Variants in DNAH14 observed in about 807,000 individuals in gnomAD.
DNAH14 encodes the protein axonemal beta dynein heavy chain 14.
A neutral mutation model predicts 520.9 loss-of-function variants in DNAH14; 478 were observed. That is an observed-to-expected ratio of 0.92 (90% confidence interval 0.85 to 0.99). The LOEUF (loss-of-function observed/expected upper bound fraction) is 0.99. Ranked by LOEUF, DNAH14 falls within the 50% of genes least tolerant of loss-of-function variation. The pLI, the probability that DNAH14 is intolerant of heterozygous loss-of-function variation, is 0.00. For synonymous variants in DNAH14, 1,581 were observed against 1,757.2 expected (o/e 0.90, Z 2.51); for missense variants, 4,831 against 5,234.5 (o/e 0.92, Z 2.38).
At chr1:225,045,867 G>A (rs1177924185) in intron 15 of DNAH14, among the ~76,000 whole-genome samples, 1 of 151,990 alleles carries the variant, frequency 6.6e-6, no homozygotes. Context: ...AGATTATACA[G>A]ATATCTTGTT....
chr1:225,384,154 C>T (rs1355965431), intron 81 of DNAH14, among the ~76,000 whole-genome samples: 2 of 152,144 alleles, frequency 1.3e-5, no homozygotes, highest in Non-Finnish European at 2.9e-5. Context: ...GCTTTACTTC[C>T]AACTATGTTG....
chr1:225,049,244 G>A (rs1296860213), intron 15 of DNAH14, among the ~76,000 whole-genome samples: 2 of 151,554 alleles, frequency 1.3e-5, no homozygotes, highest in African/African-American at 4.8e-5. Flanking sequence ...TGTATTTTTA[G>A]TAGAGACGGG....
At chr1:225,099,877 G>C (rs2075303963) in intron 22 of DNAH14, among the ~76,000 whole-genome samples, 1 of 152,018 alleles carries the variant, frequency 6.6e-6, no homozygotes, top group Non-Finnish European at 1.5e-5. Flanking sequence ...AACACTAGCT[G>C]AGTGAAGAAA....
At chr1:225,081,869 A>C (rs192440770) in intron 19 of DNAH14, among the ~76,000 whole-genome samples, 1 of 152,280 alleles carries the variant, frequency 6.6e-6, no homozygotes, top group Admixed American at 6.5e-5. Context: ...TCTGTGGCAA[A>C]GCTGTCACCT....
chr1:225,262,888 A>AT (rs920225584), intron 46 of DNAH14, among the ~76,000 whole-genome samples: 12 of 152,040 alleles, frequency 7.9e-5, no homozygotes, highest in African/African-American at 2.9e-4. Flanking sequence ...TGACATTGAT[A>AT]TTTTTTATAA....
intron 38 of DNAH14, among the ~76,000 whole-genome samples, chr1:225,198,453 GTGA>G: frequency 6.6e-6 from 1 of 152,168 alleles, no homozygotes; most frequent in Admixed American, 6.6e-5. Context: ...TCCTGACCTT[GTGA>G]TCTGCCCACC....
At chr1:225,320,557 T>A (rs1395142938) in intron 61 of DNAH14, among the ~76,000 whole-genome samples, 3 of 152,216 alleles carry the variant, frequency 2.0e-5, no homozygotes, top group African/African-American at 7.2e-5. Context: ...TATAACCTGA[T>A]CTCCATTGCT....
At chr1:225,212,735 C>T (rs917809745) in intron 41 of DNAH14, among the ~76,000 whole-genome samples, 3 of 152,104 alleles carry the variant, frequency 2.0e-5, no homozygotes, top group Non-Finnish European at 4.4e-5. Context: ...TATCGTTTGC[C>T]CACTTTTTGA....
chr1:225,009,809 G>C (rs374763175), intron 10 of DNAH14, among the ~76,000 whole-genome samples: 43 of 151,864 alleles, frequency 2.8e-4, no homozygotes, highest in African/African-American at 9.9e-4. Context: ...TCTCCTTGAA[G>C]AGGTCCTTCA....
intron 8 of DNAH14, among the ~76,000 whole-genome samples, chr1:224,979,763 A>G (rs1011928937): frequency 5.3e-5 from 8 of 152,148 alleles, no homozygotes; most frequent in African/African-American, 1.7e-4. Context: ...GGTAAGACTA[A>G]AGAGGACTTT....
chr1:225,001,558 G>A (rs931836066), intron 8 of DNAH14, among the ~76,000 whole-genome samples: 7 of 152,040 alleles, frequency 4.6e-5, no homozygotes, highest in Non-Finnish European at 8.8e-5. Flanking sequence ...ATGCATTACA[G>A]CTATAAATTT....
chr1:224,976,388 A>G (rs977435212), intron 8 of DNAH14, among the ~76,000 whole-genome samples: 1 of 152,134 alleles, frequency 6.6e-6, no homozygotes, highest in Non-Finnish European at 1.5e-5. Context: ...AAAACCCTAG[A>G]AGAAAACCTA....
At chr1:225,266,872 T>G (rs2093136954) in intron 49 of DNAH14, 103 bp downstream of exon 49, 1 of 1,157,008 alleles carries the variant, frequency 8.6e-7, no homozygotes, top group Non-Finnish European at 1.2e-6. Context: ...AGTTAGAAAT[T>G]CTGGCCATAT....
chr1:224,977,434 A>C (rs552618813), intron 8 of DNAH14, among the ~76,000 whole-genome samples: 3 of 152,338 alleles, frequency 2.0e-5, no homozygotes, highest in Admixed American at 2.0e-4. Context: ...ACACGTATAC[A>C]TATGTAACTA....
At chr1:225,113,816 A>G (rs2076664886) in intron 23 of DNAH14, among the ~76,000 whole-genome samples, 1 of 152,112 alleles carries the variant, frequency 6.6e-6, no homozygotes, top group African/African-American at 2.4e-5. Context: ...ACTAAAGCCC[A>G]AGGGCTCTTT....
At chr1:225,000,566 C>CT (rs199640733) in intron 8 of DNAH14, among the ~76,000 whole-genome samples, 1,961 of 133,278 alleles carry the variant, frequency 0.015, 16 homozygotes, top group South Asian at 0.031. Flanking sequence ...AAGGTTTGTT[C>CT]TTTTTTTTTT....
At chr1:225,307,099 C>G (rs1049484640) in intron 58 of DNAH14, among the ~76,000 whole-genome samples, 2 of 152,090 alleles carry the variant, frequency 1.3e-5, no homozygotes, top group Admixed American at 1.3e-4. Context: ...TAAGTGTGCT[C>G]CAGTGGGAGC....
At chr1:225,064,721 A>G (rs920336982) in intron 17 of DNAH14, among the ~76,000 whole-genome samples, 1 of 152,064 alleles carries the variant, frequency 6.6e-6, no homozygotes, top group African/African-American at 2.4e-5. Flanking sequence ...GACAAATTTA[A>G]TCTATAGCAA....
At chr1:225,325,594 G>A (rs762469177) in intron 64 of DNAH14, among the ~76,000 whole-genome samples, 14 of 151,942 alleles carry the variant, frequency 9.2e-5, no homozygotes, top group Admixed American at 2.6e-4. Context: ...TTAAAATACA[G>A]TATCATTATC....
Sources: gnomAD v4.1 joint callset for allele counts (sites outside exome capture counted in the v4.1 genomes callset) on GRCh38, gnomAD v4.1.1 for gene constraint, MANE v1.5 for transcripts, NCBI Gene and HGNC (gene_info 2026-07-23, HGNC 2026-07-21) for gene names.